LRRC36: variants seen among roughly 807,000 people sequenced by gnomAD.
The protein encoded by LRRC36 is leucine rich repeat containing 36.
In LRRC36, 62 loss-of-function variants were observed where a neutral mutation model predicts 81.1. The observed-to-expected ratio is 0.76, with a 90% CI of 0.62 to 0.94. The LOEUF (loss-of-function observed/expected upper bound fraction) is 0.94, where lower values mean the gene tolerates loss of function less well. Among genes scored for constraint, LRRC36 ranks in the 40% least tolerant of loss-of-function variants. LRRC36 has a pLI of 0.00. For missense variants in LRRC36, 761 were observed against 881.7 expected, an observed-to-expected ratio of 0.86 and a Z score of 1.73; for synonymous variants, 334 against 348.6, an observed-to-expected ratio of 0.96 and a Z score of 0.47.
intron 1 of LRRC36, among the ~76,000 whole-genome samples, chr16:67,328,989 A>T (rs112237121): frequency 0.088 from 13,436 of 152,084 alleles, 978 homozygotes; most frequent in African/African-American, 0.2. Flanking sequence ...GGCTCACTGT[A>T]ATCTCCACCT....
chr16:67,363,740 C>T (rs1362341540), intron 6 of LRRC36, 26 bp downstream of exon 6: 3 of 1,609,922 alleles, frequency 1.9e-6, no homozygotes, highest in Non-Finnish European at 2.5e-6. Flanking sequence ...TCCTGCTGAT[C>T]TGTTGACTAG....
chr16:67,336,481 T>C (rs2037766330), intron 1 of LRRC36, among the ~76,000 whole-genome samples: 1 of 152,226 alleles, frequency 6.6e-6, no homozygotes, highest in Non-Finnish European at 1.5e-5. Context: ...CACCAACATT[T>C]AGCATTGTGA....
chr16:67,340,515 G>A (rs749925128), intron 1 of LRRC36, among the ~76,000 whole-genome samples: 7 of 151,852 alleles, frequency 4.6e-5, no homozygotes, highest in Non-Finnish European at 7.4e-5. Context: ...AATTAGCCGG[G>A]TGTGGTGGTG....
intron 3 of LRRC36, 35 bp from the exon 4 acceptor site, chr16:67,347,460 A>C (rs963807145): frequency 6.8e-6 from 11 of 1,610,996 alleles, no homozygotes; most frequent in Non-Finnish European, 9.3e-6. Context: ...ATGCCAAAAA[A>C]AGAAACATGC....
intron 10 of LRRC36, among the ~76,000 whole-genome samples, chr16:67,376,337 A>T (rs1015346218): frequency 5.9e-5 from 9 of 152,180 alleles, no homozygotes; most frequent in Admixed American, 6.5e-5. Flanking sequence ...GAAAAAAACA[A>T]AAAAACTAGA....
chr16:67,371,150 C>G lies in LRRC36; in HGVS notation c.1402C>G (p.Leu468Val). The G allele has an allele frequency of 1.9e-6, 3 of 1,614,196 alleles. No individual in the cohort carries two copies. The highest frequency in any genetic ancestry group is 2.5e-6 in the Non-Finnish European group (3 of 1,180,026). Reference sequence around the variant, plus strand: ...CAGAAAGATTTTTACCAAGAGGTCACTAAGCCCATCGAAGAGAGGATTCAA... The same window carrying G: ...CAGAAAGATTTTTACCAAGAGGTCAGTAAGCCCATCGAAGAGAGGATTCAA... ...EHRKIFTKRSLSPSKRGFKWK... is the reference protein window; with the variant it reads ...EHRKIFTKRSVSPSKRGFKWK... Residue 468 changes from leucine (L) to valine (V), a missense_variant, in exon 9 of 14, where the codon CTA becomes GTA. Around this residue, in one of 3 missense-constraint regions of LRRC36, gnomAD observed 359 missense variants for 388.4 expected, o/e 0.92. Coordinates refer to ENST00000329956, the MANE Select transcript of LRRC36 (RefSeq NM_018296.6).
chr16:67,338,655 G>A (rs1486085295), intron 1 of LRRC36, among the ~76,000 whole-genome samples: 6 of 151,854 alleles, frequency 4.0e-5, no homozygotes, highest in Admixed American at 1.3e-4. Context: ...ATTTTGTAAC[G>A]TTACACATTG....
At chr16:67,332,271 C>T (rs2037529459) in intron 1 of LRRC36, among the ~76,000 whole-genome samples, 1 of 151,628 alleles carries the variant, frequency 6.6e-6, no homozygotes, top group African/African-American at 2.4e-5. Flanking sequence ...AACACTGAAA[C>T]GGCCAGGCGC....
intron 1 of LRRC36, among the ~76,000 whole-genome samples, chr16:67,331,069 A>AGAG (rs2037461259): frequency 5.9e-5 from 7 of 118,536 alleles, no homozygotes; most frequent in African/African-American, 2.5e-4. Flanking sequence ...GTGAGAGAGA[A>AGAG]AGAGAGAGAG....
chr16:67,342,074 C>G lies in LRRC36; in HGVS notation c.188C>G (p.Thr63Ser), dbSNP rs538606770. 2.6e-5 allele frequency: 42 copies of G among 1,605,696 alleles called. No individual in the cohort carries two copies. Among genetic ancestry groups the G allele is most frequent in the Admixed American group, 1.2e-4 (7 of 59,624 alleles). ...TTAGATTTATCAAGGAATTTGATCA[C>G]TAGCCTTAAGGTAAGTTATATATTC... ...RSLDLSRNLI[T>S]SLKGIQYLCS... is the part of the protein sequence containing the mutation. Residue 63 changes from threonine (T) to serine (S), a missense_variant, in exon 2 of 14, where the codon ACT becomes AGT. Thr to Ser is a moderately conservative substitution (Grantham distance 58, BLOSUM62 1). This residue lies in a region of LRRC36 where 263 missense variants were observed against 279.3 expected (regional missense o/e 0.94). Transcript: ENST00000329956.
chr16:67,349,087 G>A (rs2038493650), intron 4 of LRRC36, among the ~76,000 whole-genome samples: 1 of 152,076 alleles, frequency 6.6e-6, no homozygotes, highest in Non-Finnish European at 1.5e-5. Flanking sequence ...TATATGTTTT[G>A]TGGATTAATT....
chr16:67,352,888 T>C (rs1234117023), intron 5 of LRRC36, among the ~76,000 whole-genome samples: 1 of 151,904 alleles, frequency 6.6e-6, no homozygotes, highest in Non-Finnish European at 1.5e-5. Flanking sequence ...CATTTTTCCA[T>C]GTTGCCCAGG....
At chr16:67,381,607 C>A (rs753401567) in intron 12 of LRRC36, among the ~76,000 whole-genome samples, 8 of 152,092 alleles carry the variant, frequency 5.3e-5, no homozygotes, top group Non-Finnish European at 1.0e-4. Context: ...GAAAAATGAA[C>A]CAACATGTGC....
chr16:67,381,286 C>A (rs1201894718), intron 12 of LRRC36, among the ~76,000 whole-genome samples: 1 of 147,222 alleles, frequency 6.8e-6, no homozygotes. Context: ...ATCATTACAA[C>A]CGGAGTTCCT....
At chr16:67,358,262 G>A (rs370652954) in intron 5 of LRRC36, among the ~76,000 whole-genome samples, 1 of 151,150 alleles carries the variant, frequency 6.6e-6, no homozygotes. Flanking sequence ...TGTTTTAAAG[G>A]ACACTATCAA....
intron 5 of LRRC36, among the ~76,000 whole-genome samples, chr16:67,357,699 C>G (rs1453820380): frequency 6.6e-6 from 1 of 152,140 alleles, no homozygotes; most frequent in Non-Finnish European, 1.5e-5. Flanking sequence ...AAGACAGACT[C>G]CGAATGAAGA....
intron 5 of LRRC36, among the ~76,000 whole-genome samples, chr16:67,355,138 C>T (rs1317321805): frequency 2.0e-5 from 3 of 152,258 alleles, no homozygotes; most frequent in African/African-American, 7.2e-5. Context: ...GGATGTACCA[C>T]AGTTTATTTA....
chr16:67,357,341 A>G (rs1353254989), intron 5 of LRRC36, among the ~76,000 whole-genome samples: 4 of 152,214 alleles, frequency 2.6e-5, no homozygotes, highest in Admixed American at 2.6e-4. Context: ...CATATCTGCA[A>G]TAGTTATTAC....
At chr16:67,361,777 C>T (rs200628478) in intron 5 of LRRC36, among the ~76,000 whole-genome samples, 2 of 151,584 alleles carry the variant, frequency 1.3e-5, no homozygotes, top group African/African-American at 4.8e-5. Flanking sequence ...ATGTTGGCCA[C>T]GCTGGTCTCG....
Sources: allele counts gnomAD v4.1 joint callset (sites outside exome capture counted in the v4.1 genomes callset), GRCh38; gene constraint gnomAD v4.1.1; regional missense constraint gnomAD v4.1.1; transcripts MANE v1.5; gene names NCBI Gene and HGNC (gene_info 2026-07-23, HGNC 2026-07-21).